ULK4: variants seen among roughly 807,000 people sequenced by gnomAD.
The protein encoded by ULK4 is unc-51 like kinase 4.
Under a neutral mutation model 160.6 loss-of-function variants are expected in ULK4, and 133 were observed. That is an observed-to-expected ratio of 0.83 (90% CI 0.72 to 0.96). The LOEUF is 0.96. ULK4 is among the 40% of genes least tolerant of loss of function. The probability of loss-of-function intolerance (pLI) is 0.00; values close to 1 mark genes in which losing one functional copy is unlikely to be tolerated. For synonymous variants in ULK4, 534 were observed against 539.8 expected, an observed-to-expected ratio of 0.99 and a Z score of 0.15; for missense variants, 1,580 against 1,499.5, an observed-to-expected ratio of 1.05 and a Z score of -0.89.
At chr3:41,767,995 C>T (rs1036485113) in intron 21 of ULK4, among the ~76,000 whole-genome samples, 1 of 152,148 alleles carries the variant, frequency 6.6e-6, no homozygotes, top group Non-Finnish European at 1.5e-5. Context: ...GAGCGGTGGG[C>T]GAGCTAGCAT....
chr3:41,414,201 C>T (rs754998307), intron 34 of ULK4, among the ~76,000 whole-genome samples: 2 of 152,122 alleles, frequency 1.3e-5, no homozygotes, highest in Admixed American at 6.5e-5. Context: ...AATTCCATCT[C>T]AAAAACAAAC....
intron 35 of ULK4, among the ~76,000 whole-genome samples, chr3:41,308,871 A>C (rs2125718147): frequency 6.6e-6 from 1 of 152,222 alleles, no homozygotes; most frequent in East Asian, 1.9e-4. Context: ...AACCTGTATG[A>C]AGAAGCCATT....
chr3:41,696,450 A>G (rs1268715959), intron 27 of ULK4, among the ~76,000 whole-genome samples: 1 of 152,074 alleles, frequency 6.6e-6, no homozygotes, highest in African/African-American at 2.4e-5. Flanking sequence ...GACCTTACCT[A>G]TCATTGGAAA....
intron 32 of ULK4, among the ~76,000 whole-genome samples, chr3:41,508,202 G>C (rs2085458620): frequency 1.3e-5 from 2 of 152,126 alleles, no homozygotes; most frequent in Admixed American, 1.3e-4. Flanking sequence ...TGACTCAGCA[G>C]ATGCAGCCGT....
chr3:41,557,230 C>G (rs963137918), intron 32 of ULK4, among the ~76,000 whole-genome samples: 1 of 151,624 alleles, frequency 6.6e-6, no homozygotes, highest in Non-Finnish European at 1.5e-5. Flanking sequence ...CCTCCTTACC[C>G]AGAAAAAAAG....
chr3:41,957,335 T>A (rs945455934), intron 1 of ULK4, among the ~76,000 whole-genome samples: 3 of 149,470 alleles, frequency 2.0e-5, no homozygotes, highest in East Asian at 2.0e-4. Context: ...ACGCTTGTAA[T>A]CCCAGCTACT....
chr3:41,504,538 A>G (rs1307727082), intron 32 of ULK4, among the ~76,000 whole-genome samples: 20 of 152,194 alleles, frequency 1.3e-4, no homozygotes, highest in Admixed American at 1.2e-3. Context: ...CTGATTACCT[A>G]CTGATTAAAT....
At chr3:41,782,681 A>T (rs1269941514) in intron 21 of ULK4, among the ~76,000 whole-genome samples, 1 of 152,214 alleles carries the variant, frequency 6.6e-6, no homozygotes, top group Non-Finnish European at 1.5e-5. Context: ...AAGTACATAT[A>T]AAACTACAGT....
At chr3:41,327,596 C>G (rs1414702147) in intron 35 of ULK4, among the ~76,000 whole-genome samples, 1 of 152,128 alleles carries the variant, frequency 6.6e-6, no homozygotes, top group East Asian at 1.9e-4. Flanking sequence ...CTTTCAACTG[C>G]AGCAATTATG....
chr3:41,285,377 GTA>G (rs751335514), intron 35 of ULK4, among the ~76,000 whole-genome samples: 9 of 151,546 alleles, frequency 5.9e-5, no homozygotes, highest in Admixed American at 5.3e-4. Context: ...AGAAACTGTG[GTA>G]TATATATATA....
intron 22 of ULK4, among the ~76,000 whole-genome samples, chr3:41,742,515 T>C (rs892475920): frequency 5.9e-5 from 9 of 151,892 alleles, no homozygotes; most frequent in Non-Finnish European, 1.3e-4. Flanking sequence ...TAAGACTTAA[T>C]GACACAGAGC....
In ULK4 at chr3:41,715,442, A is replaced by G; in HGVS notation, c.2577+5T>C. On this transcript the variant is annotated splice_donor_5th_base_variant and intron_variant, in intron 24 of 36. Transcript: ENST00000301831. ...ATATCCTTTTCCTCCTCAATACAAT[A>G]GTACCTGTGAAGTTACGAGGTGAAG... is the stretch of plus-strand genomic sequence containing the variant. 1.2e-6 allele frequency: 2 copies of G among 1,614,158 alleles called. No individual in the cohort carries two copies. The highest frequency in any genetic ancestry group is 2.2e-5 in the South Asian group (2 of 91,078).
chr3:41,549,370 T>C (rs2086983101), intron 32 of ULK4, among the ~76,000 whole-genome samples: 1 of 151,736 alleles, frequency 6.6e-6, no homozygotes, highest in Non-Finnish European at 1.5e-5. Flanking sequence ...AAACAGAAAA[T>C]CTGGAACTGA....
At chr3:41,742,594 C>T (rs9822955) in intron 22 of ULK4, among the ~76,000 whole-genome samples, 7,600 of 151,872 alleles carry the variant, frequency 0.05, 459 homozygotes, top group African/African-American at 0.12. Context: ...AAAACGAGAA[C>T]CAAGAAAATC....
intron 35 of ULK4, among the ~76,000 whole-genome samples, chr3:41,279,255 T>TGAA (rs1553638183): frequency 1.0e-3 from 44 of 43,064 alleles, no homozygotes; most frequent in African/African-American, 5.5e-3. Flanking sequence ...AAAAAAAGAG[T>TGAA]AAAAAAAAAA....
At chr3:41,899,156 A>C (rs1202457529) in intron 13 of ULK4, 1 of 150,774 alleles carries the variant, frequency 6.6e-6, no homozygotes, top group Non-Finnish European at 1.5e-5. Flanking sequence ...CATGAATTGG[A>C]AAGTGCACAA....
chr3:41,472,352 T>G (rs554734302), intron 32 of ULK4, among the ~76,000 whole-genome samples: 27 of 152,050 alleles, frequency 1.8e-4, no homozygotes, highest in Non-Finnish European at 3.8e-4. Flanking sequence ...GCAGATGACC[T>G]GAGGTCAGGA....
At chr3:41,763,854 A>G (rs1434454786) in intron 21 of ULK4, among the ~76,000 whole-genome samples, 1 of 152,236 alleles carries the variant, frequency 6.6e-6, no homozygotes, top group Non-Finnish European at 1.5e-5. Flanking sequence ...CAGCCTCACC[A>G]ACATTTATTA....
At chr3:41,688,477 T>G (rs1470544873) in intron 27 of ULK4, among the ~76,000 whole-genome samples, 1 of 152,222 alleles carries the variant, frequency 6.6e-6, no homozygotes, top group African/African-American at 2.4e-5. Context: ...AAAGTTTTCT[T>G]GGGGCCACTT....
Sources: allele counts gnomAD v4.1 joint callset (sites outside exome capture counted in the v4.1 genomes callset), GRCh38; gene constraint gnomAD v4.1.1; transcripts MANE v1.5; gene names NCBI Gene and HGNC (gene_info 2026-07-23, HGNC 2026-07-21).